The following CCNH variants were observed in gnomAD, a reference collection of about 807,000 sequenced individuals.
CCNH encodes cyclin-H.
CCNH carries 31 observed loss-of-function variants against 41.9 expected under a neutral mutation model. The observed-to-expected ratio is 0.74, with a 90% CI of 0.56 to 1.00. The LOEUF (loss-of-function observed/expected upper bound fraction) is 1.00. Among genes scored for constraint, CCNH ranks in the 50% least tolerant of loss-of-function variants. The probability of loss-of-function intolerance (pLI) is 0.00; values close to 1 mark genes in which losing one functional copy is unlikely to be tolerated. For missense variants in CCNH, 362 were observed against 388.4 expected (o/e 0.93, Z 0.57); for synonymous variants, 138 against 136.1 (o/e 1.01, Z -0.10).
chr5:87,381,952 CTTAA>C (rs1046555213), upstream of CCNH, among the ~76,000 whole-genome samples: 6 of 152,016 alleles, frequency 3.9e-5, no homozygotes, highest in East Asian at 7.7e-4. Flanking sequence ...AAATTAAAGA[CTTAA>C]TTGTTATTTT....
intron 9 of CCNH, among the ~76,000 whole-genome samples, chr5:87,354,714 G>A (rs1251495013): frequency 1.3e-5 from 2 of 152,130 alleles, no homozygotes; most frequent in African/African-American, 4.8e-5. Context: ...GGGAGGCATG[G>A]TGAAAGCCAA....
At chr5:87,340,925 T>C (rs950208024) in intron 9 of CCNH, among the ~76,000 whole-genome samples, 1 of 152,102 alleles carries the variant, frequency 6.6e-6, no homozygotes, top group South Asian at 2.1e-4. Context: ...ACGACTTCAG[T>C]TGCAGAATGA....
downstream of CCNH, chr5:87,393,834 G>A (rs1268696026): frequency 6.6e-6 from 1 of 152,108 alleles, no homozygotes; most frequent in African/African-American, 2.4e-5. Context: ...TATACAATTT[G>A]CTGCTACCTA....
At chr5:87,332,768 C>A in intron 9 of CCNH, 1 of 984,222 alleles carries the variant, frequency 1.0e-6, no homozygotes, top group Non-Finnish European at 1.4e-6. Context: ...AATTTTAATT[C>A]GGGTTATAAT....
downstream of CCNH, among the ~76,000 whole-genome samples, chr5:87,388,832 C>G (rs1762251822): frequency 6.6e-6 from 1 of 152,114 alleles, no homozygotes; most frequent in Non-Finnish European, 1.5e-5. Context: ...TAAGTTTAGG[C>G]TGCATTTAAT....
In CCNH at chr5:87,404,967, T is replaced by C. The variant is rs765542606; in HGVS notation, c.566A>G (p.Lys189Arg). 3.1e-6 allele frequency: 5 copies of C among 1,613,394 alleles called. No individual in the cohort carries two copies. Among genetic ancestry groups the C allele is most frequent in the Non-Finnish European group, 3.4e-6 (4 of 1,179,636 alleles). Reference protein sequence around the residue: ...PILENPEILRKTADDFLNRIA... With the variant: ...PILENPEILRRTADDFLNRIA... ...TCTATTAAGAAAGTCATCAGCTGTTTTCCTCAAAATCTCTGGATTCTCCAA... is the reference window on the plus strand; with the variant it reads ...TCTATTAAGAAAGTCATCAGCTGTTCTCCTCAAAATCTCTGGATTCTCCAA... The change falls in exon 5 of 9, where the codon AAA becomes AGA. Residue 189 changes from lysine (K) to arginine (R), a missense_variant. Coordinates refer to ENST00000256897, the MANE Select transcript of CCNH (RefSeq NM_001239.4).
chr5:87,314,870 T>C (rs1756204224), downstream of CCNH, among the ~76,000 whole-genome samples: 1 of 152,222 alleles, frequency 6.6e-6, no homozygotes, highest in African/African-American at 2.4e-5. Context: ...TTGTTAAATG[T>C]TCTTTATTGT....
upstream of CCNH, among the ~76,000 whole-genome samples, chr5:87,377,493 G>A (rs1178801797): frequency 6.6e-6 from 1 of 152,026 alleles, no homozygotes; most frequent in Admixed American, 6.6e-5. Flanking sequence ...ACCACACCCA[G>A]CTAATTTTTT....
intron 9 of CCNH, among the ~76,000 whole-genome samples, chr5:87,371,074 T>C (rs1760903840): frequency 6.6e-6 from 1 of 152,144 alleles, no homozygotes; most frequent in African/African-American, 2.4e-5. Context: ...AATTTAAACT[T>C]CAGTATCCTA....
At chr5:87,391,753 A>G (rs919749719), downstream of CCNH, 7 of 232,580 alleles carry the variant, frequency 3.0e-5, no homozygotes, top group African/African-American at 1.5e-4. Flanking sequence ...GATTATGCAG[A>G]CAACCTCATC....
intron 7 of CCNH, among the ~76,000 whole-genome samples, 177 bp downstream of exon 7, chr5:87,399,217 C>G (rs1235115685): frequency 6.6e-6 from 1 of 152,184 alleles, no homozygotes; most frequent in Non-Finnish European, 1.5e-5. Flanking sequence ...CAGAACTGCA[C>G]AGTGAATGCC....
upstream of CCNH, among the ~76,000 whole-genome samples, chr5:87,377,932 T>C (rs1427673746): frequency 6.6e-6 from 1 of 152,208 alleles, no homozygotes; most frequent in Non-Finnish European, 1.5e-5. Flanking sequence ...CTGACAGCAT[T>C]TGTATTTCAT....
At chr5:87,314,060 T>C (rs1467202661), downstream of CCNH, among the ~76,000 whole-genome samples, 1 of 152,120 alleles carries the variant, frequency 6.6e-6, no homozygotes, top group Non-Finnish European at 1.5e-5. Context: ...TCCCAGCTAT[T>C]CGGGAGGCTG....
At chr5:87,375,153 T>C (rs10067098), downstream of CCNH, among the ~76,000 whole-genome samples, 69,469 of 152,004 alleles carry the variant, frequency 0.46, 15,838 homozygotes, top group Middle Eastern at 0.54. Context: ...ATTAAAATAT[T>C]TAGCCACCCT....
rs1486526006 is a variant in CCNH, at chr5:87,362,213, G to A, written c.*90+30557C>T. On this transcript the variant is annotated intron_variant and NMD_transcript_variant, in intron 9 of 9. Transcript: ENST00000645953. ...CATTGGTTCCTAATCTACCAGTTATGCTGGGACAAGTTTATGTTTTTAAAA... is the reference window on the plus strand; with the variant it reads ...CATTGGTTCCTAATCTACCAGTTATACTGGGACAAGTTTATGTTTTTAAAA... Among the ~76,000 whole-genome samples the A allele has an allele frequency of 3.3e-5, 5 of 152,192 alleles. No individual in the cohort carries two copies. In the East Asian group the frequency reaches 7.7e-4, roughly 23 times the overall value.
At chr5:87,327,981 A>AG (rs1182168038) in intron 9 of CCNH, among the ~76,000 whole-genome samples, 5 of 152,154 alleles carry the variant, frequency 3.3e-5, no homozygotes, top group South Asian at 2.1e-4. Flanking sequence ...AAAAAAAAAA[A>AG]AGAGAGAGAA....
intron 9 of CCNH, among the ~76,000 whole-genome samples, chr5:87,357,710 A>AG (rs1339203096): frequency 6.6e-6 from 1 of 152,086 alleles, no homozygotes; most frequent in African/African-American, 2.4e-5. Context: ...ATCTCAAAAA[A>AG]AAAGAAAAAC....
chr5:87,401,865 G>C (rs1331533901), intron 5 of CCNH, 93 bp from the exon 6 acceptor site: 2 of 697,310 alleles, frequency 2.9e-6, no homozygotes, highest in African/African-American at 3.7e-5. Flanking sequence ...CCTCATCAAA[G>C]GCAATTAAAA....
At chr5:87,398,884 AATG>A (rs539560436) in intron 7 of CCNH, among the ~76,000 whole-genome samples, 11 of 151,880 alleles carry the variant, frequency 7.2e-5, no homozygotes, top group Admixed American at 1.3e-4. Context: ...GAGGCAGGAG[AATG>A]ACCTGAACCT....
Sources: gnomAD v4.1 joint callset for allele counts (sites outside exome capture counted in the v4.1 genomes callset) on GRCh38, gnomAD v4.1.1 for gene constraint, MANE v1.5 for transcripts, NCBI Gene and HGNC (gene_info 2026-07-23, HGNC 2026-07-21) for gene names.